Variants in GATAD1 observed in about 807,000 individuals in gnomAD.
GATAD1 encodes GATA zinc finger domain containing 1.
In GATAD1, 12 loss-of-function variants were observed where a neutral mutation model predicts 26.5. That is an observed-to-expected ratio of 0.45 (90% CI 0.29 to 0.73). The LOEUF is 0.73. GATAD1 is among the 30% of genes least tolerant of loss of function. GATAD1 has a pLI of 0.10. For missense variants in GATAD1, 266 were observed against 342.1 expected (o/e 0.78, Z 1.75); for synonymous variants, 129 against 133.1 (o/e 0.97, Z 0.21).
chr7:92,482,428 A>T, the GATAD1 span, among the ~76,000 whole-genome samples: 2 of 152,134 alleles, frequency 1.3e-5, no homozygotes, highest in Non-Finnish European at 2.9e-5. Context: ...GACAGGTAAA[A>T]TGGGGGAATT....
At chr7:92,484,820 A>G in the GATAD1 span, among the ~76,000 whole-genome samples, 1 of 152,316 alleles carries the variant, frequency 6.6e-6, no homozygotes, top group Non-Finnish European at 1.5e-5. Flanking sequence ...GAGTCCTCCT[A>G]TCCCAGGTTT....
chr7:92,448,815 G>A lies in GATAD1; in HGVS notation c.313G>A (p.Ala105Thr), dbSNP rs1789291315. Residue 105 changes from alanine to threonine, a missense_variant, in exon 2 of 5, where the codon GCT becomes ACT. Ala to Thr is a moderately conservative substitution (Grantham distance 58). Transcript: ENST00000287957. ...AAACACTAAATACAAATCTGCTCCG[G>A]CTGCTGAAAAGAAAGTCTCCACCAA... The part of the protein sequence containing the change: ...LRNTKYKSAP[A>T]AEKKVSTKGK... The A allele has an allele frequency of 1.2e-6, 2 of 1,610,128 alleles. No individual in the cohort carries two copies. Among genetic ancestry groups the A allele is most frequent in the East Asian group, 4.5e-5 (2 of 44,856 alleles).
At chr7:92,494,316 C>T in the GATAD1 span, 5 of 1,613,540 alleles carry the variant, frequency 3.1e-6, no homozygotes, top group African/African-American at 4.0e-5. Context: ...GGACAGTATA[C>T]ACATTTATCT....
In GATAD1 at chr7:92,459,063, A is replaced by G. The variant is rs1789814233; in HGVS notation, c.*2501A>G. On this transcript the variant is annotated 3_prime_UTR_variant, in exon 5 of 5. Coordinates refer to ENST00000287957, the MANE Select transcript of GATAD1 (RefSeq NM_021167.5). Reference sequence around the variant, plus strand: ...ACATGAAACCCCGTCTCTACTAAAAATACAAAAATTAGCTGGGCGTGGTGG... The same window carrying G: ...ACATGAAACCCCGTCTCTACTAAAAGTACAAAAATTAGCTGGGCGTGGTGG... 6.6e-6 allele frequency: 1 copy of G among 152,440 alleles called. No homozygotes were observed. The highest frequency in any genetic ancestry group is 2.4e-5 in the African/African-American group (1 of 41,564). The allele number at this position is 152,440 out of a possible 1,614,324, so 9.4% of individuals were successfully genotyped here.
At chr7:92,449,093 T>C (rs1418766789) in intron 2 of GATAD1, 22 of 1,151,684 alleles carry the variant, frequency 1.9e-5, no homozygotes, top group Non-Finnish European at 2.3e-5. Context: ...GTTTTTTAGC[T>C]TTTATTTTTT....
Position 92,457,849 on chromosome 7 carries a change from C to G in GATAD1, c.*1287C>G, listed in dbSNP as rs566142457. 2 of 152,148 alleles carry G rather than the reference C, an allele frequency of 1.3e-5. No homozygotes were observed. Among genetic ancestry groups the G allele is most frequent in the African/African-American group, 4.8e-5 (2 of 41,440 alleles). The allele number at this position is 152,148 out of a possible 1,614,324, so 9.4% of individuals were successfully genotyped here. A position where few individuals can be genotyped will look rare whatever the true frequency, so the allele number is the denominator to read the frequency against. ...ATTAGCCCAGGCTTTTAAAAACTTT[C>G]ATCTAGGCCACGTGCGGTGGCTCAT... On this transcript the variant is annotated 3_prime_UTR_variant, in exon 5 of 5. Coordinates refer to ENST00000287957, the MANE Select transcript of GATAD1 (RefSeq NM_021167.5).
chr7:92,491,570 CATAG>C, the GATAD1 span: 1 of 901,158 alleles, frequency 1.1e-6, no homozygotes, highest in Non-Finnish European at 1.8e-6. Context: ...TAAATAATAA[CATAG>C]ATAGCATTCT....
At chr7:92,461,410 G>A (rs1190177328), downstream of GATAD1, 1 of 152,188 alleles carries the variant, frequency 6.6e-6, no homozygotes, top group East Asian at 1.9e-4. Context: ...AATTGTGTAA[G>A]GTAAAGTTTC....
intron 1 of GATAD1, 108 bp downstream of exon 1, chr7:92,448,086 C>T (rs1789242469): frequency 2.4e-6 from 2 of 833,482 alleles, no homozygotes; most frequent in Non-Finnish European, 3.1e-6. Context: ...TCGCCGTGCT[C>T]CTGCTGGCTG....
In GATAD1 at chr7:92,450,747, C is replaced by T; in HGVS notation, c.422C>T (p.Ser141Leu). 3 of 1,603,180 alleles carry T rather than the reference C, an allele frequency of 1.9e-6. No homozygotes were observed. The highest frequency in any genetic ancestry group is 2.6e-6 in the Non-Finnish European group (3 of 1,170,122). Residue 141 changes from serine (S) to leucine (L), a missense_variant, in exon 3 of 5, where the codon TCA (serine) becomes TTA (leucine). Transcript: ENST00000287957. ...GTTTCCACTATAATCACTGCAGAAT[C>T]AATCTTCTACAAGGTAAGCTTTTGT... Reference protein sequence around the residue: ...ESVSTIITAESIFYKGVYYQI... With the variant: ...ESVSTIITAELIFYKGVYYQI...
chr7:92,454,220 G>A, intron 3 of GATAD1: 1 of 314,462 alleles, frequency 3.2e-6, no homozygotes, highest in Non-Finnish European at 5.8e-6. Context: ...TTTAAAAAGT[G>A]GGGATGGTAT....
rs1441118382 is a variant in GATAD1, at chr7:92,457,423, C to G, written c.*861C>G. The G allele has an allele frequency of 6.6e-6, 1 of 152,300 alleles. No homozygotes were observed. The highest frequency in any genetic ancestry group is 1.5e-5 in the Non-Finnish European group (1 of 68,158). 9.4% of individuals were successfully genotyped at this position (152,300 alleles called of 1,614,324 possible). A position where few individuals can be genotyped will look rare whatever the true frequency, so the allele number is the denominator to read the frequency against. ...AGGTTGCAGTGAGCAGAGATCGTGCCACTGCACTCCAGCCTGGGTGGACAG... is the reference window on the plus strand; with the variant it reads ...AGGTTGCAGTGAGCAGAGATCGTGCGACTGCACTCCAGCCTGGGTGGACAG... On this transcript the variant is annotated 3_prime_UTR_variant, in exon 5 of 5. Transcript: ENST00000287957.
the GATAD1 span, among the ~76,000 whole-genome samples, chr7:92,481,240 A>G: frequency 2.0e-5 from 3 of 152,212 alleles, no homozygotes; most frequent in African/African-American, 7.2e-5. Context: ...TCAGAGACAT[A>G]CAATCATCAG....
At chr7:92,454,449 C>T in intron 3 of GATAD1, 53 bp from the exon 4 acceptor site, 1 of 1,345,814 alleles carries the variant, frequency 7.4e-7, no homozygotes, top group Non-Finnish European at 1.1e-6. Flanking sequence ...TCATTCATAG[C>T]TGTGATGTTC....
downstream of GATAD1, among the ~76,000 whole-genome samples, chr7:92,464,717 G>T (rs1243746708): frequency 6.6e-6 from 1 of 152,170 alleles, no homozygotes; most frequent in African/African-American, 2.4e-5. Context: ...ATGGGGACAG[G>T]CCATAAAAGG....
In GATAD1 at chr7:92,447,840, C is replaced by CGGCGCGGGCAGCGGG; in HGVS notation, c.117_131dup (p.Gly43_Gly47dup). ...TCTGCCATCATTGCACTGGCCGGGG[C>CGGCGCGGGCAGCGGG]GGCGCGGGCAGCGGGGGCGCAGGCT... On this transcript the variant is annotated inframe_insertion, in exon 1 of 5. Transcript: ENST00000287957. The CGGCGCGGGCAGCGGG allele has an allele frequency of 2.8e-6, 4 of 1,405,750 alleles. No individual in the cohort carries two copies. The highest frequency in any genetic ancestry group is 3.7e-6 in the Non-Finnish European group (4 of 1,075,094). 87.1% of individuals were successfully genotyped at this position (1,405,750 alleles called of 1,614,324 possible). A position where few individuals can be genotyped will look rare whatever the true frequency, so the allele number is the denominator to read the frequency against.
At chr7:92,491,382 A>C in the GATAD1 span, 1 of 1,613,856 alleles carries the variant, frequency 6.2e-7, no homozygotes, top group South Asian at 1.1e-5. Context: ...ATCTCTAAAG[A>C]AACAAGGGAC....
chr7:92,479,964 A>C, the GATAD1 span, among the ~76,000 whole-genome samples: 1 of 152,198 alleles, frequency 6.6e-6, no homozygotes, highest in Non-Finnish European at 1.5e-5. Context: ...AGAGTGCCCA[A>C]GGGGGTTCAG....
chr7:92,449,980 T>C (rs1394982866), intron 2 of GATAD1: 1 of 152,248 alleles, frequency 6.6e-6, no homozygotes, highest in Non-Finnish European at 1.5e-5. Flanking sequence ...GAGGCATTTG[T>C]TGATTACACA....
Sources: gnomAD v4.1 joint callset for allele counts (sites outside exome capture counted in the v4.1 genomes callset) on GRCh38, gnomAD v4.1.1 for gene constraint, MANE v1.5 for transcripts, NCBI Gene and HGNC (gene_info 2026-07-23, HGNC 2026-07-21) for gene names.